Variants in IL4I1 observed in about 807,000 individuals in gnomAD.
IL4I1 encodes interleukin 4 induced 1.
Under a neutral mutation model 29.7 loss-of-function variants are expected in IL4I1, and 24 were observed. The ratio of observed to expected loss-of-function variants is 0.81; its 90% confidence interval spans 0.59 to 1.14. The LOEUF is 1.14. Among genes scored for constraint, IL4I1 ranks in the 50% most tolerant of loss-of-function variants. The pLI is 0.00. For synonymous variants in IL4I1, 371 were observed against 352.5 expected (o/e 1.05, Z -0.59); for missense variants, 686 against 785.6 (o/e 0.87, Z 1.52).
chr19:49,909,293 T>C lies in IL4I1; in HGVS notation c.-227-4972A>G, dbSNP rs760230301. The stretch of plus-strand genomic sequence containing the variant: ...GGCTGAATTCCCTGCTGAGCCAATG[T>C]TGAAACCGGAGGGTTGGGCCGTGCT... On this transcript the variant is annotated intron_variant, in intron 2 of 9. Transcript: ENST00000341114. 9.9e-6 allele frequency: 16 copies of C among 1,613,874 alleles called. No individual in the cohort carries two copies. In the African/African-American group the frequency reaches 1.9e-4, roughly 19 times the overall value.
intron 5 of IL4I1, among the ~76,000 whole-genome samples, chr19:49,893,406 G>A (rs888321976): frequency 6.6e-6 from 1 of 152,058 alleles, no homozygotes; most frequent in Non-Finnish European, 1.5e-5. Flanking sequence ...AGGAGGTCAG[G>A]AGGAGGATGG....
In IL4I1 at chr19:49,889,833, G is replaced by C. The variant is rs1005408691; in HGVS notation, c.1541C>G (p.Thr514Arg). The change falls in exon 8 of 8, where the codon ACG (threonine) becomes AGG (arginine). Residue 514 changes from threonine to arginine, a missense_variant. Thr to Arg is a moderately conservative substitution (Grantham distance 71). Coordinates refer to ENST00000391826, the MANE Select transcript of IL4I1 (RefSeq NM_152899.2). ...INSRKGPASD[T>R]ASPEGHASDM... ...AGATGCGTGCCCCTCGGGGCTGGCC[G>C]TGTCCGATGCAGGCCCCTTCCGGCT... 1 of 1,571,228 alleles carries C rather than the reference G, an allele frequency of 6.4e-7. No homozygotes were observed. Among genetic ancestry groups the C allele is most frequent in the Non-Finnish European group, 8.6e-7 (1 of 1,157,940 alleles).
chr19:49,892,087 T>TG (rs2075147271), intron 5 of IL4I1, among the ~76,000 whole-genome samples: 1 of 146,880 alleles, frequency 6.8e-6, no homozygotes, highest in Admixed American at 6.8e-5. Flanking sequence ...CTTTTTTTTT[T>TG]TTTTTTTTTT....
At chr19:49,924,719 G>A (rs2075844046) in intron 2 of IL4I1, among the ~76,000 whole-genome samples, 1 of 152,188 alleles carries the variant, frequency 6.6e-6, no homozygotes, top group African/African-American at 2.4e-5. Flanking sequence ...GGCAACCACT[G>A]ATGACCGGCT....
At chr19:49,927,269 G>T (rs895659116) in intron 2 of IL4I1, among the ~76,000 whole-genome samples, 6 of 152,074 alleles carry the variant, frequency 3.9e-5, no homozygotes, top group African/African-American at 1.2e-4. Context: ...GTCAAGTTTT[G>T]AACTCATATA....
At chr19:49,918,799 C>A (rs544904255) in intron 2 of IL4I1, among the ~76,000 whole-genome samples, 2 of 151,922 alleles carry the variant, frequency 1.3e-5, no homozygotes, top group East Asian at 3.9e-4. Context: ...GCCGCACCAC[C>A]CTGCCACAAC....
intron 3 of IL4I1, 116 bp downstream of exon 3, chr19:49,895,699 C>A (rs1271600061): frequency 1.6e-5 from 10 of 624,622 alleles, no homozygotes; most frequent in East Asian, 7.2e-5. Flanking sequence ...GATAGCCTCT[C>A]CCCCCACATC....
upstream of IL4I1, among the ~76,000 whole-genome samples, chr19:49,898,164 T>C (rs373290136): frequency 2.7e-5 from 4 of 148,196 alleles, no homozygotes; most frequent in East Asian, 6.1e-4. Context: ...CTACTAAAAA[T>C]ATAAAAATTA....
In IL4I1 at chr19:49,890,573, G is replaced by T; in HGVS notation, c.801C>A (p.Asp267Glu). The T allele has an allele frequency of 6.3e-7, 1 of 1,583,960 alleles. No individual in the cohort carries two copies. The highest frequency in any genetic ancestry group is 8.6e-7 in the Non-Finnish European group (1 of 1,168,552). Residue 267 changes from aspartate to glutamate, a missense_variant, in exon 8 of 8, where the codon GAC (aspartate) becomes GAA (glutamate). Transcript: ENST00000391826. ...AGCTCAGCAGCGCGCGCGGCAGCAG[G>T]TCCCAGCCACCCACGATGCGGCTGT... ...LQYSRIVGGW[D>E]LLPRALLSSL... is the part of the protein sequence containing the mutation.
intron 2 of IL4I1, among the ~76,000 whole-genome samples, chr19:49,924,798 C>T (rs1018647614): frequency 6.6e-6 from 1 of 152,170 alleles, no homozygotes; most frequent in African/African-American, 2.4e-5. Context: ...CACCCTGAGT[C>T]CAGCTGCTAA....
intron 2 of IL4I1, among the ~76,000 whole-genome samples, chr19:49,926,228 A>AAG (rs1220318767): frequency 6.7e-6 from 1 of 149,854 alleles, no homozygotes; most frequent in Admixed American, 6.6e-5. Context: ...AAAAAAAAAA[A>AAG]AAGCTAGGTC....
At chr19:49,891,546 A>G (rs1036782791) in intron 5 of IL4I1, 73 bp from the exon 6 acceptor site, 31 of 1,339,916 alleles carry the variant, frequency 2.3e-5, no homozygotes, top group Admixed American at 8.4e-5. Context: ...TGGAGCCCAC[A>G]CTCGGCTTCT....
intron 5 of IL4I1, among the ~76,000 whole-genome samples, chr19:49,892,227 G>A (rs546189998): frequency 2.6e-5 from 4 of 152,034 alleles, no homozygotes; most frequent in South Asian, 2.1e-4. Context: ...GATTACAGGC[G>A]CCTGCCACCA....
chr19:49,916,688 C>T (rs949227573), intron 2 of IL4I1, among the ~76,000 whole-genome samples: 31 of 151,396 alleles, frequency 2.0e-4, no homozygotes, highest in Admixed American at 1.1e-3. Context: ...GGCATCAACC[C>T]GGGAGGCGGA....
intron 2 of IL4I1, among the ~76,000 whole-genome samples, chr19:49,923,417 G>T (rs1568721304): frequency 6.6e-6 from 1 of 152,232 alleles, no homozygotes; most frequent in South Asian, 2.1e-4. Context: ...GGGTTGTGGG[G>T]AACGTTTCTG....
In IL4I1 at chr19:49,908,960, CTGGTGG is replaced by C. The variant is rs746663980; in HGVS notation, c.-227-4645_-227-4640del. 6.2e-6 allele frequency: 10 copies of C among 1,605,828 alleles called. No homozygotes were observed. In the South Asian group the frequency reaches 6.6e-5, roughly 11 times the overall value. On this transcript the variant is annotated intron_variant, in intron 2 of 9. Coordinates refer to the IL4I1 transcript ENST00000341114. ...GGCAAAGCCGGTGGTGCTGCTGCTG[CTGGTGG>C]TGGTGGCGGTGGCGGTGGCAGCGGT... is the stretch of plus-strand genomic sequence containing the variant.
rs201517733 is a variant in IL4I1, at chr19:49,894,502, C to A, written c.366-33G>T. The A allele has an allele frequency of 9.2e-5, 147 of 1,599,138 alleles. No individual in the cohort carries two copies. The East Asian group carries it at 3.0e-3, about 32-fold the overall frequency. Reference sequence around the variant, plus strand: ...GGGGAGTGGGTGAGTGAGGGCCGGGCTCCAGTGGGGGTGGCCTGGTCCCTA... The same window carrying A: ...GGGGAGTGGGTGAGTGAGGGCCGGGATCCAGTGGGGGTGGCCTGGTCCCTA... On this transcript the variant is annotated intron_variant, in intron 4 of 7. Coordinates refer to ENST00000391826, the MANE Select transcript of IL4I1 (RefSeq NM_152899.2).
At chr19:49,891,495 T>C in intron 5 of IL4I1, 22 bp from the exon 6 acceptor site, 1 of 1,612,370 alleles carries the variant, frequency 6.2e-7, no homozygotes, top group Non-Finnish European at 8.5e-7. Context: ...GAAGCAGACA[T>C]GGTGCTGAGC....
intron 2 of IL4I1, among the ~76,000 whole-genome samples, chr19:49,913,481 G>A (rs2075534946): frequency 6.6e-6 from 1 of 152,210 alleles, no homozygotes; most frequent in African/African-American, 2.4e-5. Flanking sequence ...GCTGGAGTCA[G>A]CAGACCTCAG....
Sources: allele counts gnomAD v4.1 joint callset (sites outside exome capture counted in the v4.1 genomes callset), GRCh38; gene constraint gnomAD v4.1.1; transcripts MANE v1.5; gene names NCBI Gene and HGNC (gene_info 2026-07-23, HGNC 2026-07-21).